The following ADAMTS3 variants were observed in gnomAD, a reference collection of about 807,000 sequenced individuals.
ADAMTS3 encodes the protein ADAM metallopeptidase with thrombospondin type 1 motif 3, also known as A disintegrin and metalloproteinase with thrombospondin motifs 3.
A neutral mutation model predicts 129.0 loss-of-function variants in ADAMTS3; 73 were observed. That is an observed-to-expected ratio of 0.57 (90% CI 0.47 to 0.69). The LOEUF (loss-of-function observed/expected upper bound fraction) is 0.69. Ranked by LOEUF, ADAMTS3 falls within the 30% of genes least tolerant of loss-of-function variation. The pLI, the probability that ADAMTS3 is intolerant of heterozygous loss-of-function variation, is 0.00. For synonymous variants in ADAMTS3, 477 were observed against 510.8 expected, an observed-to-expected ratio of 0.93 and a Z score of 0.89; for missense variants, 1,457 against 1,514.5, an observed-to-expected ratio of 0.96 and a Z score of 0.63.
chr4:72,442,928 T>C (rs1718157691), intron 3 of ADAMTS3, among the ~76,000 whole-genome samples: 1 of 151,752 alleles, frequency 6.6e-6, no homozygotes, highest in Admixed American at 6.6e-5. Flanking sequence ...TCTTTAACCT[T>C]GGATTAGTCA....
At chr4:72,476,959 T>C (rs1006953438) in intron 3 of ADAMTS3, among the ~76,000 whole-genome samples, 2 of 151,932 alleles carry the variant, frequency 1.3e-5, no homozygotes, top group Non-Finnish European at 2.9e-5. Context: ...GCAGAAAAAA[T>C]CATTTGACAG....
At chr4:72,325,657 G>A (rs535787750) in intron 5 of ADAMTS3, among the ~76,000 whole-genome samples, 12 of 152,178 alleles carry the variant, frequency 7.9e-5, no homozygotes, top group East Asian at 1.9e-4. Flanking sequence ...CTAAAGAAAC[G>A]GAAACAGAAA....
At chr4:72,322,929 A>T in intron 6 of ADAMTS3, 85 bp downstream of exon 6, 1 of 1,062,652 alleles carries the variant, frequency 9.4e-7, no homozygotes, top group Non-Finnish European at 1.4e-6. Context: ...TCTATGCCTT[A>T]AGTTAGATGT....
chr4:72,416,164 C>CAAATTT (rs1722298283), intron 3 of ADAMTS3, among the ~76,000 whole-genome samples: 1 of 148,618 alleles, frequency 6.7e-6, no homozygotes, highest in African/African-American at 2.5e-5. Context: ...ATGTTTTCAG[C>CAAATTT]AAATATAAAT....
chr4:72,324,804 G>A (rs1238468639), intron 5 of ADAMTS3, among the ~76,000 whole-genome samples: 1 of 152,120 alleles, frequency 6.6e-6, no homozygotes. Context: ...GACAAAACAT[G>A]AATATATCCT....
chr4:72,506,368 T>G (rs1720159469), intron 3 of ADAMTS3, among the ~76,000 whole-genome samples: 2 of 152,154 alleles, frequency 1.3e-5, no homozygotes. Flanking sequence ...GCTGCAGGTC[T>G]CATCATTCAG....
chr4:72,502,045 T>C (rs985853846), intron 3 of ADAMTS3, among the ~76,000 whole-genome samples: 4 of 152,204 alleles, frequency 2.6e-5, no homozygotes, highest in Non-Finnish European at 4.4e-5. Context: ...TTTGCATCTA[T>C]GTTTAACAGA....
chr4:72,508,031 G>A (rs183422109), intron 3 of ADAMTS3, among the ~76,000 whole-genome samples: 26 of 152,204 alleles, frequency 1.7e-4, no homozygotes, highest in Middle Eastern at 3.4e-3. Context: ...AACATGGACT[G>A]TGCAAAATTA....
chr4:72,509,987 A>G (rs373401100), intron 3 of ADAMTS3, among the ~76,000 whole-genome samples: 7 of 152,212 alleles, frequency 4.6e-5, no homozygotes, highest in East Asian at 3.9e-4. Context: ...GTGATACATC[A>G]TATCAACAGG....
chr4:72,550,218 A>T (rs1299754858), intron 2 of ADAMTS3, among the ~76,000 whole-genome samples: 2 of 151,980 alleles, frequency 1.3e-5, no homozygotes, highest in African/African-American at 4.8e-5. Context: ...GCCCTAAAAA[A>T]TGGTATGATT....
At chr4:72,305,674 C>T (rs1371695229) in intron 16 of ADAMTS3, among the ~76,000 whole-genome samples, 1 of 151,840 alleles carries the variant, frequency 6.6e-6, no homozygotes, top group Non-Finnish European at 1.5e-5. Context: ...CAAAAAAAAC[C>T]TACATAACAT....
At chr4:72,318,123 C>T (rs938309120) in intron 10 of ADAMTS3, among the ~76,000 whole-genome samples, 1 of 152,084 alleles carries the variant, frequency 6.6e-6, no homozygotes, top group African/African-American at 2.4e-5. Context: ...ACTATACCAG[C>T]ACAATCCTTC....
rs1247650512 is a variant in ADAMTS3, at chr4:72,319,427, A to T, written c.1257T>A (p.Thr419=). The T allele has an allele frequency of 6.2e-7, 1 of 1,613,974 alleles. No homozygotes were observed. Among genetic ancestry groups the T allele is most frequent in the South Asian group, 1.1e-5 (1 of 91,078 alleles). ...DGQGNRCGDE[T]AMGSVMAPLV... is the part of the protein sequence containing the mutation. Reference sequence around the variant, plus strand: ...AGGGAGCCATGACACTTCCCATAGCAGTCTCATCACCACACCTGTTGCCTT... The same window carrying T: ...AGGGAGCCATGACACTTCCCATAGCTGTCTCATCACCACACCTGTTGCCTT... Residue 419 remains threonine, a synonymous_variant, in exon 9 of 22, where the codon ACT becomes ACA. Transcript: ENST00000286657.
At chr4:72,285,623 C>G (rs927059008) in intron 21 of ADAMTS3, among the ~76,000 whole-genome samples, 2 of 152,002 alleles carry the variant, frequency 1.3e-5, no homozygotes, top group African/African-American at 4.8e-5. Context: ...TTGCAGAGTC[C>G]TGTTCATAAC....
chr4:72,459,022 T>A (rs965544381), intron 3 of ADAMTS3, among the ~76,000 whole-genome samples: 1 of 151,766 alleles, frequency 6.6e-6, no homozygotes, highest in Non-Finnish European at 1.5e-5. Context: ...CAATTTTGTA[T>A]ACAAAAAGTT....
intron 4 of ADAMTS3, among the ~76,000 whole-genome samples, chr4:72,348,301 G>T (rs1261150052): frequency 6.6e-6 from 1 of 151,970 alleles, no homozygotes; most frequent in Non-Finnish European, 1.5e-5. Context: ...TTTAGATAAG[G>T]TTCTCAAAAG....
chr4:72,422,779 T>A (rs905662485), intron 3 of ADAMTS3, among the ~76,000 whole-genome samples: 1 of 152,166 alleles, frequency 6.6e-6, no homozygotes, highest in African/African-American at 2.4e-5. Context: ...TTTCTAATTC[T>A]CATCAGAGCA....
Position 72,378,515 on chromosome 4 carries a change from TTAGA to T in ADAMTS3, c.661+36296_661+36299del, listed in dbSNP as rs1450781128. On this transcript the variant is annotated intron_variant, in intron 4 of 21. Transcript: ENST00000286657. ...CTGAGTACAGCCACATGAAACCATC[TTAGA>T]TAGGCCGTTAGTAGTAAACTTGAGC... Among the ~76,000 whole-genome samples the T allele has an allele frequency of 6.6e-5, 10 of 152,256 alleles. No individual in the cohort carries two copies. The South Asian group carries it at 1.7e-3, about 25-fold the overall frequency.
rs569299461 is a variant in ADAMTS3 at position 72,480,009 on chromosome 4, C to T, written c.505-65038G>A. Among the ~76,000 whole-genome samples, 1,052 of 152,216 alleles carry T rather than the reference C, an allele frequency of 6.9e-3. 14 individuals carry two copies. The highest frequency in any genetic ancestry group is 0.024 in the African/African-American group (1,006 of 41,520). On this transcript the variant is annotated intron_variant, in intron 3 of 21. Transcript: ENST00000286657. ...ACCACAATGAGATACCATCTCACACCAGTTAGAATGGCAATCATTAAAAAG... is the reference window on the plus strand; with the variant it reads ...ACCACAATGAGATACCATCTCACACTAGTTAGAATGGCAATCATTAAAAAG...
Sources: gnomAD v4.1 joint callset for allele counts (sites outside exome capture counted in the v4.1 genomes callset) on GRCh38, gnomAD v4.1.1 for gene constraint, MANE v1.5 for transcripts, NCBI Gene and HGNC (gene_info 2026-07-23, HGNC 2026-07-21) for gene names.